The following GPR19 variants were observed in gnomAD, a reference collection of about 807,000 sequenced individuals.
The protein encoded by GPR19 is probable G protein-coupled receptor 19.
Under a neutral mutation model 28.5 loss-of-function variants are expected in GPR19, and 14 were observed. That is an observed-to-expected ratio of 0.49 (90% CI 0.32 to 0.77). GPR19 has a LOEUF of 0.77. GPR19 is among the 30% of genes least tolerant of loss of function. The pLI is 0.03. For synonymous variants in GPR19, 173 were observed against 184.1 expected, an observed-to-expected ratio of 0.94 and a Z score of 0.49; for missense variants, 409 against 504.1, an observed-to-expected ratio of 0.81 and a Z score of 1.81.
the GPR19 span, among the ~76,000 whole-genome samples, chr12:12,709,690 C>T: frequency 1.3e-5 from 2 of 152,180 alleles, no homozygotes; most frequent in Non-Finnish European, 2.9e-5. Flanking sequence ...CCTCCCACCT[C>T]AACCTCCCAA....
At chr12:12,681,780 T>C (rs1358600565) in intron 3 of GPR19, among the ~76,000 whole-genome samples, 1 of 152,242 alleles carries the variant, frequency 6.6e-6, no homozygotes, top group Non-Finnish European at 1.5e-5. Flanking sequence ...AGATTATGTT[T>C]GTGTATATTA....
chr12:12,712,153 A>T, the GPR19 span, among the ~76,000 whole-genome samples: 8 of 152,358 alleles, frequency 5.3e-5, 1 homozygote, highest in Middle Eastern at 6.8e-3. Flanking sequence ...TCAGGAGATT[A>T]TGGCAGACTG....
At chr12:12,665,964 C>G (rs1945772326) in intron 3 of GPR19, among the ~76,000 whole-genome samples, 1 of 151,656 alleles carries the variant, frequency 6.6e-6, no homozygotes, top group Admixed American at 6.6e-5. Flanking sequence ...AAATAGGGAC[C>G]CAGTTTTGCC....
At position 12,661,447 on chromosome 12, in the gene GPR19, A is replaced by G. The variant is rs760647331; in HGVS notation, c.1002T>C (p.Asn334=). The change falls in exon 4 of 4, where the codon AAT becomes AAC. Residue 334 remains asparagine, a synonymous_variant. Coordinates refer to ENST00000651487, the MANE Select transcript of GPR19 (RefSeq NM_006143.3). This position sits in a 1 kb window ranked among gnomAD's most constrained non-coding sequence, Gnocchi z 4.2. The part of the protein sequence containing the change: ...ASKPTLYSIY[N]ANFRRGMKET... Reference sequence around the variant, plus strand: ...CTTTCATCCCTCTCCGAAAATTGGCATTATAAATTGAATACAGAGTAGGTT... The same window carrying G: ...CTTTCATCCCTCTCCGAAAATTGGCGTTATAAATTGAATACAGAGTAGGTT... 1.2e-6 allele frequency: 2 copies of G among 1,613,686 alleles called. No individual in the cohort carries two copies. Among genetic ancestry groups the G allele is most frequent in the East Asian group, 2.2e-5 (1 of 44,884 alleles).
chr12:12,685,928 C>T (rs767178988), intron 2 of GPR19, among the ~76,000 whole-genome samples: 8 of 152,176 alleles, frequency 5.3e-5, no homozygotes, highest in East Asian at 1.9e-4. Context: ...ACCTGACTGT[C>T]GATGCTAGGA....
At chr12:12,677,049 T>C (rs1945941989) in intron 3 of GPR19, among the ~76,000 whole-genome samples, 1 of 152,228 alleles carries the variant, frequency 6.6e-6, no homozygotes, top group Non-Finnish European at 1.5e-5. Flanking sequence ...GTATAAGCAC[T>C]GAGCAGGAAG....
chr12:12,673,032 A>G (rs941807302), intron 3 of GPR19, among the ~76,000 whole-genome samples: 3 of 152,200 alleles, frequency 2.0e-5, no homozygotes, highest in Non-Finnish European at 4.4e-5. Context: ...AGAAAACAGA[A>G]TGAGGGACCA....
At chr12:12,700,648 A>G (rs960963256), upstream of GPR19, among the ~76,000 whole-genome samples, 1 of 152,118 alleles carries the variant, frequency 6.6e-6, no homozygotes, top group Admixed American at 6.5e-5. Context: ...AAAATACACA[A>G]TTAAATTCCC....
chr12:12,678,015 G>A (rs1036331504), intron 3 of GPR19, among the ~76,000 whole-genome samples: 9 of 149,636 alleles, frequency 6.0e-5, no homozygotes, highest in Non-Finnish European at 1.0e-4. Context: ...CGGAGGTTGC[G>A]GTGAGCTGAG....
intron 3 of GPR19, among the ~76,000 whole-genome samples, chr12:12,664,938 A>T (rs1417155931): frequency 6.8e-6 from 1 of 146,874 alleles, no homozygotes; most frequent in Non-Finnish European, 1.5e-5. Context: ...AAAAAAAAAA[A>T]AAAAAAAAGA....
the GPR19 span, among the ~76,000 whole-genome samples, chr12:12,702,633 C>G: frequency 6.6e-6 from 1 of 152,072 alleles, no homozygotes; most frequent in Admixed American, 6.5e-5. Flanking sequence ...TATTTTAAAC[C>G]AGTTTTCATT....
intron 3 of GPR19, among the ~76,000 whole-genome samples, chr12:12,675,094 C>A (rs1945910826): frequency 6.6e-6 from 1 of 152,140 alleles, no homozygotes; most frequent in Admixed American, 6.5e-5. Context: ...TGGGTCCCAG[C>A]CGTGTTCCAG....
intron 3 of GPR19, among the ~76,000 whole-genome samples, chr12:12,671,985 C>T (rs892928621): frequency 6.6e-6 from 1 of 152,132 alleles, no homozygotes; most frequent in African/African-American, 2.4e-5. Context: ...CCGTGAGGAC[C>T]ATCAGTAACT....
At chr12:12,702,454 T>C in the GPR19 span, among the ~76,000 whole-genome samples, 1 of 152,164 alleles carries the variant, frequency 6.6e-6, no homozygotes, top group African/African-American at 2.4e-5. Flanking sequence ...TGTTAGAGTA[T>C]GTACTGGTGG....
At chr12:12,687,010 T>C (rs1946107246) in intron 2 of GPR19, among the ~76,000 whole-genome samples, 1 of 152,210 alleles carries the variant, frequency 6.6e-6, no homozygotes, top group Non-Finnish European at 1.5e-5. Flanking sequence ...AAAGTTATAA[T>C]CACCAAATTT....
upstream of GPR19, among the ~76,000 whole-genome samples, chr12:12,699,068 C>A (rs1946299623): frequency 6.6e-6 from 1 of 152,066 alleles, no homozygotes; most frequent in Admixed American, 6.5e-5. Context: ...TTTGGCCAGG[C>A]ACAGTGGCTC....
the GPR19 span, among the ~76,000 whole-genome samples, chr12:12,710,354 C>CAAAAA: frequency 1.5e-5 from 2 of 132,914 alleles, no homozygotes; most frequent in Admixed American, 7.8e-5. Context: ...GCTCCATCTC[C>CAAAAA]AAAAAAAAAA....
upstream of GPR19, among the ~76,000 whole-genome samples, chr12:12,698,702 C>T (rs2136341850): frequency 6.6e-6 from 1 of 152,150 alleles, no homozygotes; most frequent in South Asian, 2.1e-4. Flanking sequence ...CCTCCACCTC[C>T]CGGGTTCAAG....
chr12:12,710,733 G>A, the GPR19 span, among the ~76,000 whole-genome samples: 5 of 152,074 alleles, frequency 3.3e-5, no homozygotes, highest in African/African-American at 4.8e-5. Flanking sequence ...TAGAGACAGG[G>A]TCTTGCTATG....
Sources: gnomAD v4.1 joint callset for allele counts (sites outside exome capture counted in the v4.1 genomes callset) on GRCh38, gnomAD v4.1.1 for gene constraint, Gnocchi (gnomAD v3.1) non-coding constraint, MANE v1.5 for transcripts, NCBI Gene and HGNC (gene_info 2026-07-23, HGNC 2026-07-21) for gene names.